The following CORIN variants were observed in gnomAD, a reference collection of about 807,000 sequenced individuals.
CORIN encodes corin, serine peptidase, also known as atrial natriuretic peptide-converting enzyme.
Under a neutral mutation model 125.3 loss-of-function variants are expected in CORIN, and 117 were observed. The ratio of observed to expected loss-of-function variants is 0.93; its 90% CI spans 0.80 to 1.09. The LOEUF (loss-of-function observed/expected upper bound fraction) is 1.09. CORIN is among the 50% of genes least tolerant of loss of function. The pLI is 0.00. For missense variants in CORIN, 1,253 were observed against 1,306.7 expected (o/e 0.96, Z 0.63); for synonymous variants, 450 against 466.4 (o/e 0.96, Z 0.45).
At chr4:47,630,434 A>G (rs1722762709) in intron 16 of CORIN, among the ~76,000 whole-genome samples, 1 of 152,208 alleles carries the variant, frequency 6.6e-6, no homozygotes, top group African/African-American at 2.4e-5. Flanking sequence ...ATATGAAAAG[A>G]CAAAAAAGTC....
chr4:47,729,179 G>A lies in CORIN; in HGVS notation c.799+15223C>T, dbSNP rs181119372. On this transcript the variant is annotated intron_variant, in intron 5 of 21. Transcript: ENST00000273857. ...GAAACTCACAGGATGAGCATTTCTCGTGGTCACAGATCAAAAGAAGTTGTT... is the reference window on the plus strand; with the variant it reads ...GAAACTCACAGGATGAGCATTTCTCATGGTCACAGATCAAAAGAAGTTGTT... Among the ~76,000 whole-genome samples, 437 of 152,268 alleles carry A rather than the reference G, an allele frequency of 2.9e-3. 3 individuals are homozygous for A. The highest frequency in any genetic ancestry group is 4.2e-3 in the Non-Finnish European group (285 of 68,022).
chr4:47,810,348 C>T (rs550682561), intron 1 of CORIN, among the ~76,000 whole-genome samples: 5 of 152,052 alleles, frequency 3.3e-5, no homozygotes, highest in Admixed American at 6.6e-5. Context: ...CCAAACATCA[C>T]GCCCAGCTAA....
chr4:47,617,722 G>A (rs961732530), intron 19 of CORIN, among the ~76,000 whole-genome samples: 1 of 152,206 alleles, frequency 6.6e-6, no homozygotes, highest in South Asian at 2.1e-4. Context: ...AAGACAAATT[G>A]TGAGTGACTG....
rs551583479 is a variant in CORIN at position 47,755,553 on chromosome 4, G to A, written c.617+7826C>T. Reference sequence around the variant, plus strand: ...GCATATGAGTTAATATTAAGAAGAAGCACAGAGCTGCTAAGCCAGTCTTCA... The same window carrying A: ...GCATATGAGTTAATATTAAGAAGAAACACAGAGCTGCTAAGCCAGTCTTCA... On this transcript the variant is annotated intron_variant, in intron 4 of 21. Coordinates refer to ENST00000273857, the MANE Select transcript of CORIN (RefSeq NM_006587.4). Among the ~76,000 whole-genome samples, 110 of 152,276 alleles carry A rather than the reference G, an allele frequency of 7.2e-4. 1 individual carries two copies. Among genetic ancestry groups the A allele is most frequent in the African/African-American group, 2.5e-3 (104 of 41,548 alleles).
chr4:47,732,725 G>C (rs546975947), intron 5 of CORIN, among the ~76,000 whole-genome samples: 2 of 152,000 alleles, frequency 1.3e-5, no homozygotes, highest in African/African-American at 4.8e-5. Context: ...CACCACGCCC[G>C]GCTTTTTTAT....
chr4:47,635,825 T>C (rs1005402199), intron 16 of CORIN, among the ~76,000 whole-genome samples: 15 of 152,218 alleles, frequency 9.9e-5, no homozygotes, highest in African/African-American at 3.6e-4. Flanking sequence ...AGTTAAGTCA[T>C]TACTAAGGGT....
chr4:47,686,359 C>T (rs1360577703), intron 6 of CORIN, among the ~76,000 whole-genome samples: 5 of 152,016 alleles, frequency 3.3e-5, no homozygotes, highest in Non-Finnish European at 5.9e-5. Context: ...TTATTTTTCA[C>T]TTCCCCCAGC....
intron 5 of CORIN, among the ~76,000 whole-genome samples, chr4:47,710,009 A>G (rs1454873896): frequency 6.6e-6 from 1 of 152,240 alleles, no homozygotes; most frequent in East Asian, 1.9e-4. Flanking sequence ...TAATACAAAG[A>G]CTTAACTCTT....
intron 19 of CORIN, among the ~76,000 whole-genome samples, chr4:47,618,346 G>A (rs4694859): frequency 0.27 from 35,039 of 129,916 alleles, 4,811 homozygotes; most frequent in Admixed American, 0.35. Flanking sequence ...AAAAAAAAAG[G>A]AAAGGAAAGG....
chr4:47,601,233 G>C (rs1053073762), intron 20 of CORIN, among the ~76,000 whole-genome samples: 2 of 152,042 alleles, frequency 1.3e-5, no homozygotes, highest in African/African-American at 4.8e-5. Flanking sequence ...CTGTGAGTTA[G>C]GTAGTTGCTA....
chr4:47,679,359 C>T (rs1338065131), intron 8 of CORIN, among the ~76,000 whole-genome samples: 2 of 139,372 alleles, frequency 1.4e-5, no homozygotes, highest in African/African-American at 2.5e-5. Flanking sequence ...ATTATTACTA[C>T]GTTCTCTCTT....
chr4:47,795,057 C>T (rs907625701), intron 2 of CORIN, among the ~76,000 whole-genome samples: 10 of 152,220 alleles, frequency 6.6e-5, no homozygotes, highest in African/African-American at 2.2e-4. Context: ...ATTCTTTCCC[C>T]CTCGTGTACT....
chr4:47,687,549 G>A lies in CORIN; in HGVS notation c.914-3711C>T, dbSNP rs147083896. On this transcript the variant is annotated intron_variant, in intron 6 of 21. Transcript: ENST00000273857. ...TTGATTTCAGTTTGGCATCTCATAC[G>A]CACACTATTAATTCTTGTCTCTCAA... is the stretch of plus-strand genomic sequence containing the variant. Among the ~76,000 whole-genome samples, 187 of 152,124 alleles carry A rather than the reference G, an allele frequency of 1.2e-3. 2 individuals carry two copies. The highest frequency in any genetic ancestry group is 4.1e-3 in the African/African-American group (172 of 41,496).
chr4:47,777,047 C>T (rs934143559), intron 3 of CORIN, among the ~76,000 whole-genome samples: 1 of 152,138 alleles, frequency 6.6e-6, no homozygotes, highest in African/African-American at 2.4e-5. Flanking sequence ...GAATTTCTCA[C>T]TTTATTTCTC....
At chr4:47,669,647 C>A (rs1454986237) in intron 10 of CORIN, among the ~76,000 whole-genome samples, 4 of 151,324 alleles carry the variant, frequency 2.6e-5, no homozygotes, top group Non-Finnish European at 4.4e-5. Flanking sequence ...GGGCTCACTG[C>A]AAGCTCTGCC....
chr4:47,617,681 T>C (rs1027995133), intron 19 of CORIN, among the ~76,000 whole-genome samples: 4 of 152,192 alleles, frequency 2.6e-5, no homozygotes, highest in Non-Finnish European at 5.9e-5. Flanking sequence ...TTGATGGGAA[T>C]GGGCCAAATC....
rs148064086 is a variant in CORIN at position 47,784,193 on chromosome 4, G to C, written c.409+2532C>G. 1.5e-3 allele frequency among the ~76,000 whole-genome samples: 231 copies of C among 152,214 alleles called. 1 individual carries two copies. Among genetic ancestry groups the C allele is most frequent in the African/African-American group, 5.4e-3 (224 of 41,540 alleles). ...CAAACATTCCCTAAAAACTCTAAAA[G>C]TTCTATAATCACAGGCTTGCATTAT... On this transcript the variant is annotated intron_variant, in intron 3 of 21. Transcript: ENST00000273857.
At chr4:47,673,290 C>G (rs928803468) in intron 10 of CORIN, among the ~76,000 whole-genome samples, 2 of 151,298 alleles carry the variant, frequency 1.3e-5, no homozygotes, top group African/African-American at 2.4e-5. Context: ...GCAGGAGAAT[C>G]GCTTGAACCT....
At chr4:47,722,473 G>A (rs918139298) in intron 5 of CORIN, among the ~76,000 whole-genome samples, 1 of 152,092 alleles carries the variant, frequency 6.6e-6, no homozygotes, top group Non-Finnish European at 1.5e-5. Flanking sequence ...ACATGCTCCT[G>A]GGTATAAAAC....
Sources: allele counts gnomAD v4.1 joint callset (sites outside exome capture counted in the v4.1 genomes callset), GRCh38; gene constraint gnomAD v4.1.1; transcripts MANE v1.5; gene names NCBI Gene and HGNC (gene_info 2026-07-23, HGNC 2026-07-21).